CSNK1G1: variants seen among roughly 807,000 people sequenced by gnomAD.
CSNK1G1 encodes casein kinase I isoform gamma-1.
A neutral mutation model predicts 59.6 loss-of-function variants in CSNK1G1; 22 were observed. The ratio of observed to expected loss-of-function variants is 0.37; its 90% CI spans 0.26 to 0.53. The LOEUF is 0.53. Among genes scored for constraint, CSNK1G1 ranks in the 20% least tolerant of loss-of-function variants. CSNK1G1 has a pLI of 0.89. For missense variants in CSNK1G1, 384 were observed against 519.5 expected (o/e 0.74, Z 2.54); for synonymous variants, 179 against 177.1 (o/e 1.01, Z -0.08).
chr15:64,315,975 C>T (rs1316146829), intron 1 of CSNK1G1, among the ~76,000 whole-genome samples: 1 of 152,234 alleles, frequency 6.6e-6, no homozygotes, highest in Admixed American at 6.5e-5. Flanking sequence ...ATATAATTCA[C>T]CTACTATACA....
chr15:64,196,158 T>A (rs1293187104), intron 10 of CSNK1G1, among the ~76,000 whole-genome samples: 1 of 152,060 alleles, frequency 6.6e-6, no homozygotes, highest in Admixed American at 6.5e-5. Context: ...TCAAGGTTGC[T>A]GTGAGCTGTG....
chr15:64,326,644 A>C (rs1896851788), intron 1 of CSNK1G1, among the ~76,000 whole-genome samples: 1 of 143,928 alleles, frequency 6.9e-6, no homozygotes, highest in Non-Finnish European at 1.5e-5. Flanking sequence ...ACTCTGTATC[A>C]AAAAAAAAAA....
chr15:64,323,758 C>T (rs759491455), intron 1 of CSNK1G1, among the ~76,000 whole-genome samples: 26 of 152,126 alleles, frequency 1.7e-4, no homozygotes, highest in Non-Finnish European at 2.9e-4. Flanking sequence ...TTCAAAACGC[C>T]ATTATCCCCT....
intron 1 of CSNK1G1, among the ~76,000 whole-genome samples, chr15:64,333,046 T>G (rs891076470): frequency 3.3e-5 from 5 of 150,166 alleles, no homozygotes; most frequent in African/African-American, 4.9e-5. Context: ...CACCTGAGGT[T>G]AGGAGTTCAA....
intron 3 of CSNK1G1, among the ~76,000 whole-genome samples, chr15:64,258,851 A>C (rs1359383989): frequency 6.6e-6 from 1 of 152,150 alleles, no homozygotes; most frequent in Non-Finnish European, 1.5e-5. Flanking sequence ...AAATCAGTTA[A>C]GTTAGAGAAA....
intron 1 of CSNK1G1, among the ~76,000 whole-genome samples, chr15:64,345,691 G>A (rs1375936811): frequency 3.3e-5 from 5 of 152,156 alleles, no homozygotes; most frequent in Admixed American, 1.3e-4. Context: ...AATTACATTC[G>A]AGAACGTTAG....
chr15:64,291,501 T>C (rs1326475635), intron 2 of CSNK1G1, among the ~76,000 whole-genome samples: 2 of 152,132 alleles, frequency 1.3e-5, no homozygotes, highest in Non-Finnish European at 2.9e-5. Flanking sequence ...GGCAGGAGAA[T>C]TGCTTGAATC....
intron 11 of CSNK1G1, among the ~76,000 whole-genome samples, chr15:64,173,793 T>C (rs1476475490): frequency 1.3e-5 from 2 of 152,006 alleles, no homozygotes; most frequent in African/African-American, 4.8e-5. Context: ...TTTGTATTTT[T>C]AGTAGAGACG....
intron 4 of CSNK1G1, among the ~76,000 whole-genome samples, chr15:64,242,089 A>C (rs1260359295): frequency 1.3e-5 from 2 of 152,106 alleles, no homozygotes; most frequent in African/African-American, 4.8e-5. Flanking sequence ...ATATGCTAAC[A>C]AACTGAAAAA....
chr15:64,305,752 C>T (rs140923217), intron 1 of CSNK1G1, among the ~76,000 whole-genome samples: 1,358 of 130,598 alleles, frequency 0.01, 24 homozygotes, highest in African/African-American at 0.036. Context: ...AGCTACAGTA[C>T]TCAAGACAGT....
At chr15:64,307,933 G>A (rs371559885) in intron 1 of CSNK1G1, among the ~76,000 whole-genome samples, 11 of 152,108 alleles carry the variant, frequency 7.2e-5, no homozygotes, top group East Asian at 3.9e-4. Context: ...TGATCCACCC[G>A]CCTCAGCCTC....
In CSNK1G1 at chr15:64,167,558, C is replaced by G. The variant is rs2081616343; in HGVS notation, c.*4373G>C. 6.5e-6 allele frequency: 1 copy of G among 152,688 alleles called. No individual in the cohort carries two copies. Among genetic ancestry groups the G allele is most frequent in the African/African-American group, 2.4e-5 (1 of 41,460 alleles). 9.5% of individuals were successfully genotyped at this position (152,688 alleles called of 1,614,324 possible). On this transcript the variant is annotated 3_prime_UTR_variant, in exon 12 of 12. Coordinates refer to ENST00000303052, the MANE Select transcript of CSNK1G1 (RefSeq NM_022048.5). ...CTCCCTGAGGGTTTCTGGAATTCAT[C>G]TGCCCACCATAGGGCAATGGTGGGG...
chr15:64,234,777 G>T (rs1333923854), intron 4 of CSNK1G1, among the ~76,000 whole-genome samples: 1 of 151,942 alleles, frequency 6.6e-6, no homozygotes, highest in African/African-American at 2.4e-5. Context: ...TAGAGAATCT[G>T]CTCTCTCTTG....
At chr15:64,215,204 CTTTTTTTTT>C (rs11343127) in intron 5 of CSNK1G1, among the ~76,000 whole-genome samples, 2 of 81,728 alleles carry the variant, frequency 2.4e-5, no homozygotes, top group African/African-American at 1.2e-4. Flanking sequence ...TTTCTACTAA[CTTTTTTTTT>C]TTTTTTTTTT....
chr15:64,214,312 C>T lies in CSNK1G1; in HGVS notation c.445-188G>A, dbSNP rs1019884577. 6.6e-6 allele frequency among the ~76,000 whole-genome samples: 1 copy of T among 152,104 alleles called. No individual in the cohort carries two copies. The highest frequency in any genetic ancestry group is 1.5e-5 in the Non-Finnish European group (1 of 68,022). On this transcript the variant is annotated intron_variant, in intron 5 of 11. Transcript: ENST00000303052. This position sits in a 1 kb window ranked among gnomAD's most constrained non-coding sequence, Gnocchi z 4.3. ...TATTTTGCTATAAATACGTACACAA[C>T]AAATATCAAGACTAGGAAAAAAAGT...
At chr15:64,247,398 T>C (rs977974028) in intron 4 of CSNK1G1, among the ~76,000 whole-genome samples, 6 of 152,186 alleles carry the variant, frequency 3.9e-5, no homozygotes, top group Admixed American at 3.9e-4. Flanking sequence ...GAAAATAAAA[T>C]GCTTATTCTC....
intron 2 of CSNK1G1, among the ~76,000 whole-genome samples, chr15:64,278,418 GTA>G (rs751622081): frequency 0.037 from 2,877 of 77,470 alleles, 59 homozygotes; most frequent in Non-Finnish European, 0.049. Context: ...GTGTGTGTGT[GTA>G]TATATATATA....
In CSNK1G1 at chr15:64,203,186, T is replaced by C. The variant is rs1392540472; in HGVS notation, c.1003A>G (p.Thr335Ala). ...TCTACGTGAACTGACCCTACTGGAG[T>C]AGGCTAGAAAAATGAAACAAAAAGT... ...AYDWVGRPIP[T>A]PVGSVHVDSG... The change falls in exon 10 of 12, where the codon ACT becomes GCT. Residue 335 changes from threonine (T) to alanine (A), a missense_variant. Coordinates refer to ENST00000303052, the MANE Select transcript of CSNK1G1 (RefSeq NM_022048.5). 1 of 1,612,082 alleles carries C rather than the reference T, an allele frequency of 6.2e-7. No homozygotes were observed. Among genetic ancestry groups the C allele is most frequent in the Admixed American group, 1.7e-5 (1 of 59,974 alleles).
chr15:64,196,402 A>G (rs936584708), intron 10 of CSNK1G1, among the ~76,000 whole-genome samples: 6 of 152,194 alleles, frequency 3.9e-5, no homozygotes, highest in African/African-American at 1.4e-4. Flanking sequence ...CCCAGAATAC[A>G]AGGAAAATAG....
Sources: allele counts gnomAD v4.1 joint callset (sites outside exome capture counted in the v4.1 genomes callset), GRCh38; gene constraint gnomAD v4.1.1; non-coding constraint Gnocchi (gnomAD v3.1); transcripts MANE v1.5; gene names NCBI Gene and HGNC (gene_info 2026-07-23, HGNC 2026-07-21).